Variants in DYRK1A observed in about 807,000 individuals in gnomAD.
DYRK1A encodes dual specificity tyrosine-phosphorylation-regulated kinase 1A.
Under a neutral mutation model 79.7 loss-of-function variants are expected in DYRK1A, and 9 were observed. The ratio of observed to expected loss-of-function variants is 0.11; its 90% CI spans 0.07 to 0.20. DYRK1A has a LOEUF of 0.20. Ranked by LOEUF, DYRK1A falls within the 10% of genes least tolerant of loss-of-function variation. The pLI, the probability that DYRK1A is intolerant of heterozygous loss-of-function variation, is 1.00. For missense variants in DYRK1A, 622 were observed against 956.0 expected (o/e 0.65, Z 4.61); for synonymous variants, 349 against 329.7 (o/e 1.06, Z -0.63).
intron 2 of DYRK1A, among the ~76,000 whole-genome samples, chr21:37,426,314 C>G (rs887339193): frequency 2.6e-5 from 4 of 152,094 alleles, no homozygotes; most frequent in Non-Finnish European, 5.9e-5. Context: ...GGACAGGGAT[C>G]ATAGTCAAAA....
chr21:37,437,058 G>A (rs2148467178), intron 2 of DYRK1A, among the ~76,000 whole-genome samples: 1 of 152,246 alleles, frequency 6.6e-6, no homozygotes, highest in East Asian at 1.9e-4. Context: ...TACAGGGTGT[G>A]GAAGATGCTA....
Position 37,479,606 on chromosome 21 carries a change from G to GTTTTTTT in DYRK1A, c.301-1027_301-1026insTTTTTTT, listed in dbSNP as rs1183029117. Among the ~76,000 whole-genome samples, 147 of 27,596 alleles carry GTTTTTTT rather than the reference G, an allele frequency of 5.3e-3. 27 individuals carry two copies. Among genetic ancestry groups the GTTTTTTT allele is most frequent in the East Asian group, 0.041 (36 of 880 alleles). The allele number at this position is 27,596 out of a possible 152,430, so 18.1% of individuals were successfully genotyped here. On this transcript the variant is annotated intron_variant, in intron 4 of 11. Transcript: ENST00000647188. ...GTGTTGGTGTTTTGTTTTTGTTTTT[G>GTTTTTTT]TTTTTGTTTTTTGTTTTTTTTTTTT...
At chr21:37,483,583 T>A (rs925948276) in intron 5 of DYRK1A, among the ~76,000 whole-genome samples, 5 of 151,948 alleles carry the variant, frequency 3.3e-5, no homozygotes, top group Admixed American at 6.6e-5. Context: ...TTTTGTTTTG[T>A]TTTGTTTTGT....
At chr21:37,369,122 T>A (rs1244644786) in intron 1 of DYRK1A, among the ~76,000 whole-genome samples, 1 of 152,238 alleles carries the variant, frequency 6.6e-6, no homozygotes, top group Non-Finnish European at 1.5e-5. Context: ...TTTTAGTTAT[T>A]CTTTGAATGC....
intron 9 of DYRK1A, among the ~76,000 whole-genome samples, chr21:37,500,827 T>A (rs549929726): frequency 2.0e-5 from 3 of 152,124 alleles, no homozygotes; most frequent in East Asian, 3.9e-4. Context: ...ATTCCTGATA[T>A]TGGCCATTTG....
At position 37,518,068 on chromosome 21, in the gene DYRK1A, C is replaced by G. The variant is rs1400556970; in HGVS notation, c.*5537C>G. ...CCACCATGCCTGGCTGTTTTTAATACGGGGTTTTGCTGAGTTGCTCAGGCG... is the reference window on the plus strand; with the variant it reads ...CCACCATGCCTGGCTGTTTTTAATAGGGGGTTTTGCTGAGTTGCTCAGGCG... On this transcript the variant is annotated 3_prime_UTR_variant, in exon 12 of 12. Transcript: ENST00000647188. 6.6e-6 allele frequency: 1 copy of G among 152,110 alleles called. No homozygotes were observed. Among genetic ancestry groups the G allele is most frequent in the Non-Finnish European group, 1.5e-5 (1 of 68,052 alleles). The allele number at this position is 152,110 out of a possible 1,614,324, so 9.4% of individuals were successfully genotyped here. A position where few individuals can be genotyped will look rare whatever the true frequency, so the allele number is the denominator to read the frequency against.
chr21:37,500,997 C>T (rs2053427294), intron 9 of DYRK1A, among the ~76,000 whole-genome samples: 1 of 148,488 alleles, frequency 6.7e-6, no homozygotes, highest in South Asian at 2.1e-4. Flanking sequence ...TTCATTATGT[C>T]CATTTACTTG....
chr21:37,428,658 T>G (rs1396113528), intron 2 of DYRK1A, among the ~76,000 whole-genome samples: 3 of 152,104 alleles, frequency 2.0e-5, no homozygotes, highest in Non-Finnish European at 2.9e-5. Flanking sequence ...TTGATGGGAT[T>G]TGTTTTTTGT....
chr21:37,405,578 T>C (rs186938272), intron 1 of DYRK1A, among the ~76,000 whole-genome samples: 1 of 152,292 alleles, frequency 6.6e-6, no homozygotes, highest in East Asian at 1.9e-4. Context: ...GATCTAGGAT[T>C]GAAAAGAATC....
At chr21:37,400,770 C>T (rs1264986685) in intron 1 of DYRK1A, among the ~76,000 whole-genome samples, 1 of 152,092 alleles carries the variant, frequency 6.6e-6, no homozygotes, top group Admixed American at 6.5e-5. Context: ...ATTTTATTGA[C>T]TGAGAAAGTG....
At chr21:37,407,589 A>C (rs1367234948) in intron 1 of DYRK1A, among the ~76,000 whole-genome samples, 2 of 152,210 alleles carry the variant, frequency 1.3e-5, no homozygotes, top group African/African-American at 4.8e-5. Context: ...TCTAGACCTC[A>C]CTTTCCACAT....
chr21:37,511,908 C>A lies in DYRK1A; in HGVS notation c.1645-3C>A, dbSNP rs753837981. 1.9e-6 allele frequency: 3 copies of A among 1,608,316 alleles called. No homozygotes were observed. The South Asian group carries it at 3.3e-5, about 18-fold the overall frequency. On this transcript the variant is annotated splice_region_variant and splice_polypyrimidine_tract_variant and intron_variant, in intron 11 of 11. Coordinates refer to ENST00000647188, the MANE Select transcript of DYRK1A (RefSeq NM_001347721.2). ...AAATCCTTTTAAAAATCTGTTCTTT[C>A]AGGTGCGTCAGCAATTTCCTGCTCC... is the stretch of plus-strand genomic sequence containing the variant.
intron 2 of DYRK1A, among the ~76,000 whole-genome samples, chr21:37,461,108 G>A (rs2051823334): frequency 1.3e-5 from 2 of 152,132 alleles, no homozygotes; most frequent in African/African-American, 4.8e-5. Flanking sequence ...AGTTGTTGAG[G>A]ATAGTACAGT....
At chr21:37,418,001 A>T (rs1336714562) in intron 1 of DYRK1A, among the ~76,000 whole-genome samples, 1 of 152,192 alleles carries the variant, frequency 6.6e-6, no homozygotes, top group Non-Finnish European at 1.5e-5. Context: ...AAAAAAATGA[A>T]AATATGACTG....
intron 1 of DYRK1A, among the ~76,000 whole-genome samples, chr21:37,411,453 A>G (rs1414632525): frequency 6.6e-6 from 1 of 151,168 alleles, no homozygotes; most frequent in Non-Finnish European, 1.5e-5. Flanking sequence ...AACCCCACCT[A>G]TAATGCAGGT....
chr21:37,377,220 C>T (rs758751747), intron 1 of DYRK1A, among the ~76,000 whole-genome samples: 10 of 152,194 alleles, frequency 6.6e-5, no homozygotes, highest in South Asian at 2.1e-4. Context: ...CCTGGGTTTA[C>T]GCCATTCTCC....
At chr21:37,437,747 T>TATA (rs550292565) in intron 2 of DYRK1A, among the ~76,000 whole-genome samples, 89 of 152,330 alleles carry the variant, frequency 5.8e-4, no homozygotes, top group African/African-American at 1.8e-3. Flanking sequence ...GTTTATCCAC[T>TATA]TACCTGTTGA....
chr21:37,417,536 T>TTC (rs2050375724), intron 1 of DYRK1A, among the ~76,000 whole-genome samples: 1 of 105,094 alleles, frequency 9.5e-6, no homozygotes, highest in Non-Finnish European at 2.1e-5. Flanking sequence ...TTTCTTTTTT[T>TTC]TTTTTTTTTT....
intron 2 of DYRK1A, among the ~76,000 whole-genome samples, chr21:37,430,555 C>T (rs2050749245): frequency 6.6e-6 from 1 of 152,174 alleles, no homozygotes; most frequent in Non-Finnish European, 1.5e-5. Flanking sequence ...CATCATTTTG[C>T]CTCTCTCCTA....
Sources: gnomAD v4.1 joint callset for allele counts (sites outside exome capture counted in the v4.1 genomes callset) on GRCh38, gnomAD v4.1.1 for gene constraint, MANE v1.5 for transcripts, NCBI Gene and HGNC (gene_info 2026-07-23, HGNC 2026-07-21) for gene names.